The following DSCAML1 variants were observed in gnomAD, a reference collection of about 807,000 sequenced individuals.
DSCAML1 encodes the protein DS cell adhesion molecule like 1.
A neutral mutation model predicts 200.5 loss-of-function variants in DSCAML1; 38 were observed. The observed-to-expected ratio is 0.19, with a 90% CI of 0.15 to 0.25. The LOEUF is 0.25. Among genes scored for constraint, DSCAML1 ranks in the 10% least tolerant of loss-of-function variants. DSCAML1 has a pLI of 1.00. For missense variants in DSCAML1, 2,223 were observed against 2,858.8 expected (o/e 0.78, Z 5.07); for synonymous variants, 1,215 against 1,165.0 (o/e 1.04, Z -0.87).
intron 3 of DSCAML1, among the ~76,000 whole-genome samples, chr11:117,687,030 A>G (rs892649959): frequency 6.6e-5 from 10 of 152,182 alleles, no homozygotes; most frequent in Admixed American, 5.9e-4. Flanking sequence ...TATTAACCCC[A>G]TCTCTGCAGA....
rs1227454016 is a variant in DSCAML1 at position 117,562,062 on chromosome 11, G to A, written c.512-29540C>T. On this transcript the variant is annotated intron_variant, in intron 3 of 32. Coordinates refer to ENST00000651296, the MANE Select transcript of DSCAML1 (RefSeq NM_020693.4). ...GTAGACTCACAGCCTCTGCTGCAGA[G>A]ACAGTGTTGAGAGGGAATAGGGTGT... Among the ~76,000 whole-genome samples, 3 of 152,214 alleles carry A rather than the reference G, an allele frequency of 2.0e-5. No homozygotes were observed. The East Asian group carries it at 5.8e-4, about 29-fold the overall frequency.
At chr11:117,657,772 T>C (rs2052764251) in intron 3 of DSCAML1, among the ~76,000 whole-genome samples, 1 of 152,192 alleles carries the variant, frequency 6.6e-6, no homozygotes, top group African/African-American at 2.4e-5. Flanking sequence ...CTTGGATTAG[T>C]GACCTTTGAA....
chr11:117,508,965 G>T (rs142800573), intron 8 of DSCAML1, among the ~76,000 whole-genome samples: 2 of 152,118 alleles, frequency 1.3e-5, no homozygotes, highest in Non-Finnish European at 2.9e-5. Context: ...ACTAAGGCAG[G>T]TTAATTCATT....
At chr11:117,535,726 G>A (rs1273635629) in intron 3 of DSCAML1, among the ~76,000 whole-genome samples, 1 of 152,132 alleles carries the variant, frequency 6.6e-6, no homozygotes, top group Non-Finnish European at 1.5e-5. Flanking sequence ...AATCAGAAGT[G>A]CCAGTGTCGG....
At chr11:117,510,410 C>T (rs1167254824) in intron 8 of DSCAML1, among the ~76,000 whole-genome samples, 1 of 152,272 alleles carries the variant, frequency 6.6e-6, no homozygotes, top group Non-Finnish European at 1.5e-5. Context: ...CAAAATGGAG[C>T]GGTTGAACCA....
At chr11:117,746,042 G>C (rs1352648082) in intron 3 of DSCAML1, among the ~76,000 whole-genome samples, 1 of 150,600 alleles carries the variant, frequency 6.6e-6, no homozygotes. Flanking sequence ...GTAAAACCCT[G>C]TCTCTACTAA....
At chr11:117,571,638 G>T (rs1013942020) in intron 3 of DSCAML1, among the ~76,000 whole-genome samples, 2 of 152,162 alleles carry the variant, frequency 1.3e-5, no homozygotes, top group African/African-American at 2.4e-5. Context: ...TGCAGATGAA[G>T]GCCCTGGGTC....
At chr11:117,564,080 T>A (rs974967190) in intron 3 of DSCAML1, among the ~76,000 whole-genome samples, 2 of 152,196 alleles carry the variant, frequency 1.3e-5, no homozygotes, top group African/African-American at 4.8e-5. Context: ...CCCTGCCACA[T>A]AGTTTTCCAT....
chr11:117,545,949 G>A (rs566031101), intron 3 of DSCAML1, among the ~76,000 whole-genome samples: 7 of 152,352 alleles, frequency 4.6e-5, no homozygotes, highest in African/African-American at 1.4e-4. Flanking sequence ...TGCAACTGGG[G>A]TCAGGCAGGG....
At chr11:117,649,065 G>A (rs1157384551) in intron 3 of DSCAML1, among the ~76,000 whole-genome samples, 2 of 151,542 alleles carry the variant, frequency 1.3e-5, no homozygotes, top group Non-Finnish European at 2.9e-5. Flanking sequence ...GTGTGTGTGT[G>A]TGTGTGTGTG....
intron 27 of DSCAML1, among the ~76,000 whole-genome samples, chr11:117,433,816 A>C (rs1431726203): frequency 6.6e-6 from 1 of 152,252 alleles, no homozygotes; most frequent in Non-Finnish European, 1.5e-5. Context: ...AATGGATATC[A>C]GTGGAAGATT....
At chr11:117,568,572 C>T (rs2050794814) in intron 3 of DSCAML1, among the ~76,000 whole-genome samples, 1 of 151,476 alleles carries the variant, frequency 6.6e-6, no homozygotes, top group Non-Finnish European at 1.5e-5. Flanking sequence ...CATTCTTATA[C>T]ACCAACAACA....
chr11:117,565,215 T>TG (rs2137424263), intron 3 of DSCAML1, among the ~76,000 whole-genome samples: 1 of 152,346 alleles, frequency 6.6e-6, no homozygotes, highest in South Asian at 2.1e-4. Context: ...TACATCGTTT[T>TG]GGGGGTACAT....
At chr11:117,658,775 T>C (rs1309863886) in intron 3 of DSCAML1, among the ~76,000 whole-genome samples, 1 of 152,224 alleles carries the variant, frequency 6.6e-6, no homozygotes, top group Non-Finnish European at 1.5e-5. Context: ...AGCCATGAAC[T>C]AACCCTACAA....
chr11:117,620,196 A>G (rs558224113), intron 3 of DSCAML1, among the ~76,000 whole-genome samples: 1 of 152,272 alleles, frequency 6.6e-6, no homozygotes, highest in East Asian at 1.9e-4. Flanking sequence ...GCCCTGGCTA[A>G]AACTCTTAAA....
rs1022337896 is a variant in DSCAML1, at chr11:117,463,539, G to C, written c.3265+1403C>G. Among the ~76,000 whole-genome samples the C allele has an allele frequency of 4.6e-5, 7 of 152,230 alleles. No homozygotes were observed. The East Asian group carries it at 1.4e-3, about 29-fold the overall frequency. On this transcript the variant is annotated intron_variant, in intron 17 of 32. Transcript: ENST00000651296. This position sits in a 1 kb window ranked among gnomAD's most constrained non-coding sequence, Gnocchi z 4.0. Reference sequence around the variant, plus strand: ...CCAGGAGGTCTGCTTTGTGCTCAGGGCTGGGAACCAGGTGTTAGGGCACTG... The same window carrying C: ...CCAGGAGGTCTGCTTTGTGCTCAGGCCTGGGAACCAGGTGTTAGGGCACTG...
At chr11:117,617,151 G>T (rs907039477) in intron 3 of DSCAML1, among the ~76,000 whole-genome samples, 6 of 152,214 alleles carry the variant, frequency 3.9e-5, no homozygotes, top group Non-Finnish European at 1.5e-5. Context: ...AGAGAGGTTA[G>T]GTAGGCACTG....
At chr11:117,747,553 T>C (rs1442377302) in intron 3 of DSCAML1, among the ~76,000 whole-genome samples, 1 of 152,166 alleles carries the variant, frequency 6.6e-6, no homozygotes, top group Non-Finnish European at 1.5e-5. Context: ...TACAAATAAA[T>C]GCAGGAATGC....
chr11:117,472,442 G>A (rs1565715130), intron 14 of DSCAML1, among the ~76,000 whole-genome samples: 2 of 152,214 alleles, frequency 1.3e-5, no homozygotes, highest in South Asian at 4.1e-4. Context: ...TGGCCCCCAT[G>A]CAAAGCAGGA....
Sources: gnomAD v4.1 joint callset for allele counts (sites outside exome capture counted in the v4.1 genomes callset) on GRCh38, gnomAD v4.1.1 for gene constraint, Gnocchi (gnomAD v3.1) non-coding constraint, MANE v1.5 for transcripts, NCBI Gene and HGNC (gene_info 2026-07-23, HGNC 2026-07-21) for gene names.